ZBTB17: variants seen among roughly 807,000 people sequenced by gnomAD.
ZBTB17 encodes the protein zinc finger and BTB domain containing 17, also known as zinc finger and BTB domain-containing protein 17.
Under a neutral mutation model 85.1 loss-of-function variants are expected in ZBTB17, and 24 were observed. The ratio of observed to expected loss-of-function variants is 0.28; its 90% CI spans 0.20 to 0.40. The LOEUF is 0.40. Among genes scored for constraint, ZBTB17 ranks in the 10% least tolerant of loss-of-function variants. The probability of loss-of-function intolerance (pLI) is 1.00; values close to 1 mark genes in which losing one functional copy is unlikely to be tolerated. For missense variants in ZBTB17, 743 were observed against 1,105.1 expected (o/e 0.67, Z 4.65); for synonymous variants, 464 against 460.2 (o/e 1.01, Z -0.11).
Position 15,945,004 on chromosome 1 carries a change from A to C in ZBTB17, c.860T>G (p.Leu287Arg). The C allele has an allele frequency of 6.3e-7, 1 of 1,595,416 alleles. No homozygotes were observed. The highest frequency in any genetic ancestry group is 8.5e-7 in the Non-Finnish European group (1 of 1,173,202). ...GQELGSEARG[L>R]RSGTYGDRTE... The stretch of plus-strand genomic sequence containing the variant: ...GCGGTCGCCGTAGGTGCCTGAGCGC[A>C]GGCCCCGGGCCTCGGAGCCGAGCTC... The change falls in exon 7 of 16, where the codon CTG becomes CGG. Residue 287 changes from leucine to arginine, a missense_variant. Physicochemically the swap from Leu to Arg is moderately radical, Grantham distance 102 (BLOSUM62 -2). Coordinates refer to ENST00000375743, the MANE Select transcript of ZBTB17 (RefSeq NM_003443.3).
At chr1:15,945,925 G>C (rs761373026) in intron 5 of ZBTB17, 85 bp from the exon 6 acceptor site, 3 of 1,563,300 alleles carry the variant, frequency 1.9e-6, no homozygotes, top group African/African-American at 1.3e-5. Context: ...GCTGGTGGTG[G>C]CTGCGTGTGA....
At position 15,964,428 on chromosome 1, in the gene ZBTB17, G is replaced by T. The variant is rs1356151873; in HGVS notation, c.-3+8611C>A. On this transcript the variant is annotated intron_variant, in intron 2 of 15. Transcript: ENST00000375743. The surrounding 1 kb of genome is among the most constrained non-coding windows in gnomAD (Gnocchi z 4.3). ...GCATTTGACAAATGTAATCTAACAT[G>T]ACAATGGGGCCAGGCAAGATGGCTC... 6.6e-6 allele frequency among the ~76,000 whole-genome samples: 1 copy of T among 152,128 alleles called. No individual in the cohort carries two copies. The highest frequency in any genetic ancestry group is 6.5e-5 in the Admixed American group (1 of 15,278).
intron 2 of ZBTB17, among the ~76,000 whole-genome samples, chr1:15,968,043 G>C (rs1010947366): frequency 2.6e-5 from 4 of 151,842 alleles, no homozygotes; most frequent in African/African-American, 7.2e-5. Context: ...TATGGGGAGA[G>C]GCCAGAGACG....
chr1:15,974,334 C>CT (rs80079974), intron 1 of ZBTB17, among the ~76,000 whole-genome samples: 1,699 of 139,502 alleles, frequency 0.012, 12 homozygotes, highest in Non-Finnish European at 0.018. Flanking sequence ...TTTTTTTTTC[C>CT]TTTTTTTTTT....
Position 15,948,469 on chromosome 1 carries a change from A to G in ZBTB17, c.27T>C (p.His9=), listed in dbSNP as rs1378122760. Residue 9 remains histidine, a synonymous_variant, in exon 3 of 16, where the codon CAT becomes CAC. Transcript: ENST00000375743. ...GCTGCTGGTTCAGCTGTTCCAAGAC[A>G]TGCTGGCTGTGCTGGGGAAAGTCCA... is the stretch of plus-strand genomic sequence containing the variant. MDFPQHSQ[H]VLEQLNQQRQ... 3 of 1,613,948 alleles carry G rather than the reference A, an allele frequency of 1.9e-6. No homozygotes were observed. The highest frequency in any genetic ancestry group is 2.2e-5 in the East Asian group (1 of 44,894).
chr1:15,969,177 C>T (rs911136301), intron 2 of ZBTB17, among the ~76,000 whole-genome samples: 15 of 152,186 alleles, frequency 9.9e-5, no homozygotes, highest in Non-Finnish European at 1.5e-4. Flanking sequence ...TTGTGAGCTT[C>T]TCATGAAAAT....
chr1:15,965,078 C>T (rs1330085751), intron 2 of ZBTB17, among the ~76,000 whole-genome samples: 3 of 149,828 alleles, frequency 2.0e-5, no homozygotes, highest in Non-Finnish European at 3.0e-5. Flanking sequence ...CGCGCCACTG[C>T]ACTCCAGCCG....
rs1402053213 is a variant in ZBTB17 at position 15,943,850 on chromosome 1, G to T, written c.1417C>A (p.Pro473Thr). Residue 473 changes from proline to threonine, a missense_variant, in exon 10 of 16, where the codon CCC becomes ACC. Pro to Thr is a conservative substitution (Grantham distance 38). Coordinates refer to ENST00000375743, the MANE Select transcript of ZBTB17 (RefSeq NM_003443.3). Reference sequence around the variant, plus strand: ...TTCCCACACTCTCGGCACTTGAGGGGCCCGTCAGCGATGTGGATCTTCAGG... The same window carrying T: ...TTCCCACACTCTCGGCACTTGAGGGTCCCGTCAGCGATGTGGATCTTCAGG... ...AHLKIHIADG[P>T]LKCRECGKQF... The T allele has an allele frequency of 6.2e-7, 1 of 1,610,790 alleles. No individual in the cohort carries two copies. Among genetic ancestry groups the T allele is most frequent in the Admixed American group, 1.7e-5 (1 of 59,702 alleles).
rs1367490398 is a variant in ZBTB17 at position 15,948,322 on chromosome 1, G to A, written c.174C>T (p.Asp58=). 2.5e-6 allele frequency: 4 copies of A among 1,613,820 alleles called. No homozygotes were observed. The highest frequency in any genetic ancestry group is 1.3e-5 in the African/African-American group (1 of 74,956). ...CGTTACTGATGTCCAGGTGCACCAC[G>A]TCCTTCTGGTCCACGAAGAGCATCT... ...YFKMLFVDQK[D]VVHLDISNAA... is the part of the protein sequence containing the mutation. The change falls in exon 3 of 16, where the codon GAC becomes GAT. Residue 58 remains aspartate, a synonymous_variant. Transcript: ENST00000375743.
intron 1 of ZBTB17, among the ~76,000 whole-genome samples, chr1:15,975,368 C>T (rs1046098295): frequency 6.6e-6 from 1 of 152,208 alleles, no homozygotes; most frequent in African/African-American, 2.4e-5. Flanking sequence ...ATTCAAACCC[C>T]GCTGCTGGGC....
intron 2 of ZBTB17, among the ~76,000 whole-genome samples, chr1:15,957,905 G>T (rs994718418): frequency 6.6e-6 from 1 of 152,166 alleles, no homozygotes; most frequent in Non-Finnish European, 1.5e-5. Context: ...GAGACTCCGT[G>T]GGGGGAATCA....
rs563849485 is a variant in ZBTB17, at chr1:15,975,623, C to G, written c.-90+360G>C. 2.5e-3 allele frequency among the ~76,000 whole-genome samples: 387 copies of G among 152,244 alleles called. 2 individuals carry two copies. The highest frequency in any genetic ancestry group is 8.3e-3 in the African/African-American group (346 of 41,546). ...GAGCTGCCCCGGCACTGCGCTCCCT[C>G]GCGGCCGCAGAACGCCCACCCTCGA... On this transcript the variant is annotated intron_variant, in intron 1 of 15. Coordinates refer to ENST00000375743, the MANE Select transcript of ZBTB17 (RefSeq NM_003443.3).
At chr1:15,945,686 A>G (rs781613249) in intron 6 of ZBTB17, 29 bp downstream of exon 6, 69 of 1,604,926 alleles carry the variant, frequency 4.3e-5, no homozygotes, top group Non-Finnish European at 4.2e-6. Flanking sequence ...TGCACCAGGT[A>G]GGGCCTGGTC....
At position 15,944,685 on chromosome 1, in the gene ZBTB17, T is replaced by C. The variant is rs848216; in HGVS notation, c.1070+12A>G. ...GCAGGGGCCGGGGTAGGAGGCCGGC[T>C]TGGGGCAGTACCTGTGCGTCTTCTC... On this transcript the variant is annotated intron_variant, in intron 8 of 15. Transcript: ENST00000375743. 204,436 of 1,605,450 alleles carry C rather than the reference T, an allele frequency of 0.13. 15,502 individuals are homozygous for C. Among genetic ancestry groups the C allele is most frequent in the Admixed American group, 0.31 (18,587 of 59,984 alleles).
In ZBTB17 at chr1:15,956,932, G is replaced by A. The variant is rs566205527; in HGVS notation, c.-2-8435C>T. On this transcript the variant is annotated intron_variant, in intron 2 of 15. Coordinates refer to ENST00000375743, the MANE Select transcript of ZBTB17 (RefSeq NM_003443.3). Reference sequence around the variant, plus strand: ...ACAGTGGCTCACGCCTGTAATCCCAGCACTTTGGGACGCTGAGGCGGGTGG... The same window carrying A: ...ACAGTGGCTCACGCCTGTAATCCCAACACTTTGGGACGCTGAGGCGGGTGG... Among the ~76,000 whole-genome samples, 14 of 152,318 alleles carry A rather than the reference G, an allele frequency of 9.2e-5. 1 individual carries two copies. The South Asian group carries it at 2.9e-3, about 32-fold the overall frequency.
At position 15,944,327 on chromosome 1, in the gene ZBTB17, G is replaced by A. The variant is rs1383441560; in HGVS notation, c.1344C>T (p.Cys448=). Residue 448 remains cysteine, a synonymous_variant, in exon 9 of 16, where the codon TGC becomes TGT. Transcript: ENST00000375743. The stretch of plus-strand genomic sequence containing the variant: ...GGTTGAACTTCTTGTCGCAGTGTGG[G>A]CACTTGTGCTCCTTGTCCGTGTCGT... The part of the protein sequence containing the change: ...ETHDTDKEHK[C]PHCDKKFNQV... 6.4e-7 allele frequency: 1 copy of A among 1,554,734 alleles called. No homozygotes were observed. Among genetic ancestry groups the A allele is most frequent in the Admixed American group, 2.0e-5 (1 of 51,242 alleles).
At chr1:15,944,118 C>A (rs1156992473) in intron 9 of ZBTB17, 182 bp downstream of exon 9, 2 of 1,107,942 alleles carry the variant, frequency 1.8e-6, no homozygotes, top group Non-Finnish European at 2.6e-6. Context: ...GGCCTGCCCT[C>A]CGCAGAGCAA....
chr1:15,965,237 CA>C (rs1291842370), intron 2 of ZBTB17, among the ~76,000 whole-genome samples: 12 of 151,344 alleles, frequency 7.9e-5, no homozygotes, highest in Non-Finnish European at 1.8e-4. Context: ...AATTAGTATC[CA>C]AAATAAGAAA....
chr1:15,942,813 G>C (rs565268360), intron 13 of ZBTB17, 75 bp from the exon 14 acceptor site: 3 of 1,539,848 alleles, frequency 1.9e-6, no homozygotes, highest in Non-Finnish European at 2.7e-6. Context: ...TCAATGACTC[G>C]TTTGCCCAGC....
Sources: allele counts gnomAD v4.1 joint callset (sites outside exome capture counted in the v4.1 genomes callset), GRCh38; gene constraint gnomAD v4.1.1; non-coding constraint Gnocchi (gnomAD v3.1); transcripts MANE v1.5; gene names NCBI Gene and HGNC (gene_info 2026-07-23, HGNC 2026-07-21).